DIRAS2: variants seen among roughly 807,000 people sequenced by gnomAD.
DIRAS2 encodes the protein GTP-binding protein Di-Ras2.
A neutral mutation model predicts 13.9 loss-of-function variants in DIRAS2; 5 were observed. That is an observed-to-expected ratio of 0.36 (90% CI 0.19 to 0.76). The LOEUF is 0.76. DIRAS2 is among the 30% of genes least tolerant of loss of function. The pLI, the probability that DIRAS2 is intolerant of heterozygous loss-of-function variation, is 0.53. For synonymous variants in DIRAS2, 111 were observed against 105.4 expected (o/e 1.05, Z -0.33); for missense variants, 191 against 263.0 (o/e 0.73, Z 1.89).
chr9:90,639,245 A>G (rs1825397399), intron 1 of DIRAS2, among the ~76,000 whole-genome samples: 1 of 152,118 alleles, frequency 6.6e-6, no homozygotes. Flanking sequence ...AAATGGACAT[A>G]TTTTCATTAA....
chr9:90,638,549 G>T (rs1033438172), intron 1 of DIRAS2, among the ~76,000 whole-genome samples: 1 of 152,194 alleles, frequency 6.6e-6, no homozygotes. Flanking sequence ...AAGGTAAAGA[G>T]AAGGAAGCAA....
intron 1 of DIRAS2, among the ~76,000 whole-genome samples, chr9:90,616,759 T>C (rs1163077517): frequency 8.9e-6 from 1 of 112,460 alleles, no homozygotes; most frequent in Admixed American, 8.6e-5. Flanking sequence ...AAAAAAAAAA[T>C]TGTAAACTAT....
intron 1 of DIRAS2, among the ~76,000 whole-genome samples, chr9:90,642,358 G>A (rs545316213): frequency 6.6e-6 from 1 of 152,272 alleles, no homozygotes; most frequent in South Asian, 2.1e-4. Context: ...CGAACCAAAC[G>A]GCAGTCCCTA....
intron 1 of DIRAS2, among the ~76,000 whole-genome samples, chr9:90,636,733 A>G (rs771653188): frequency 6.6e-6 from 1 of 152,258 alleles, no homozygotes; most frequent in East Asian, 1.9e-4. Context: ...AAAGAGAGAC[A>G]GATATCAATT....
intron 1 of DIRAS2, among the ~76,000 whole-genome samples, chr9:90,628,877 C>T (rs1052551830): frequency 2.7e-5 from 4 of 148,052 alleles, no homozygotes; most frequent in African/African-American, 9.9e-5. Context: ...TTTTTTGAGA[C>T]GGAGTCTCGT....
At position 90,610,188 on chromosome 9, in the gene DIRAS2, G is replaced by A. The variant is rs1825097066; in HGVS notation, c.*3040C>T. 8.2e-6 allele frequency: 3 copies of A among 365,372 alleles called. No individual in the cohort carries two copies. Among genetic ancestry groups the A allele is most frequent in the Admixed American group, 4.6e-5 (1 of 21,806 alleles). 22.6% of individuals were successfully genotyped at this position (365,372 alleles called of 1,614,324 possible). ...GGGGAAAAAAATTAAGTATCACAGAGCAATTTTTAAAATATTTAATACATT... is the reference window on the plus strand; with the variant it reads ...GGGGAAAAAAATTAAGTATCACAGAACAATTTTTAAAATATTTAATACATT... On this transcript the variant is annotated 3_prime_UTR_variant, in exon 2 of 2. Transcript: ENST00000375765.
At chr9:90,633,285 G>T (rs1039576758) in intron 1 of DIRAS2, among the ~76,000 whole-genome samples, 1 of 152,188 alleles carries the variant, frequency 6.6e-6, no homozygotes, top group African/African-American at 2.4e-5. Flanking sequence ...ACTAGTGATG[G>T]GTCGGTGGGA....
intron 1 of DIRAS2, among the ~76,000 whole-genome samples, chr9:90,617,286 G>C (rs181767273): frequency 6.6e-5 from 10 of 152,318 alleles, no homozygotes; most frequent in Admixed American, 3.3e-4. Flanking sequence ...TGGGACAAAT[G>C]GGGGAGATAT....
At chr9:90,616,760 T>C (rs1446686932) in intron 1 of DIRAS2, among the ~76,000 whole-genome samples, 2 of 135,544 alleles carry the variant, frequency 1.5e-5, no homozygotes, top group African/African-American at 5.4e-5. Flanking sequence ...AAAAAAAAAT[T>C]GTAAACTATT....
intron 1 of DIRAS2, among the ~76,000 whole-genome samples, chr9:90,627,902 T>A (rs76815711): frequency 0.063 from 9,603 of 151,976 alleles, 357 homozygotes; most frequent in Admixed American, 0.077. Flanking sequence ...AGGACAAATA[T>A]CTAATGCATG....
At chr9:90,622,014 G>T (rs569863958) in intron 1 of DIRAS2, among the ~76,000 whole-genome samples, 2 of 152,196 alleles carry the variant, frequency 1.3e-5, no homozygotes, top group African/African-American at 2.4e-5. Context: ...GCATTTAGGA[G>T]GCTGAGGCAG....
At chr9:90,627,342 G>C (rs1825279414) in intron 1 of DIRAS2, among the ~76,000 whole-genome samples, 1 of 152,172 alleles carries the variant, frequency 6.6e-6, no homozygotes, top group Admixed American at 6.6e-5. Flanking sequence ...ATATTATTCA[G>C]CCTTAAATGG....
chr9:90,626,510 C>A (rs752809352), intron 1 of DIRAS2, among the ~76,000 whole-genome samples: 1 of 149,706 alleles, frequency 6.7e-6, no homozygotes, highest in Non-Finnish European at 1.5e-5. Flanking sequence ...AAATGGCCAA[C>A]AAGCACATAA....
At chr9:90,626,972 G>A (rs1452773736) in intron 1 of DIRAS2, among the ~76,000 whole-genome samples, 1 of 152,222 alleles carries the variant, frequency 6.6e-6, no homozygotes, top group Admixed American at 6.5e-5. Flanking sequence ...CAATGCTGGA[G>A]GTGGGGCCCG....
At position 90,610,539 on chromosome 9, in the gene DIRAS2, G is replaced by C. The variant is rs1322558793; in HGVS notation, c.*2689C>G. 5.0e-6 allele frequency: 2 copies of C among 397,620 alleles called. No individual in the cohort carries two copies. The highest frequency in any genetic ancestry group is 4.4e-5 in the Admixed American group (1 of 22,682). 24.6% of individuals were successfully genotyped at this position (397,620 alleles called of 1,614,324 possible). On this transcript the variant is annotated 3_prime_UTR_variant, in exon 2 of 2. Transcript: ENST00000375765. ...AATTAAATATTAACTTATTCTGCCT[G>C]GGTCAAAAACTGCTATGCCCATATG...
chr9:90,631,368 G>A (rs903430650), intron 1 of DIRAS2, among the ~76,000 whole-genome samples: 1 of 152,224 alleles, frequency 6.6e-6, no homozygotes, highest in Non-Finnish European at 1.5e-5. Flanking sequence ...TGTAAGCACA[G>A]GGAAAAGGTC....
At chr9:90,638,488 T>C (rs1479677826) in intron 1 of DIRAS2, among the ~76,000 whole-genome samples, 1 of 152,166 alleles carries the variant, frequency 6.6e-6, no homozygotes, top group African/African-American at 2.4e-5. Flanking sequence ...TACCATTCCT[T>C]CTGTAATAAG....
chr9:90,629,735 A>G (rs1413981850), intron 1 of DIRAS2, among the ~76,000 whole-genome samples: 1 of 152,218 alleles, frequency 6.6e-6, no homozygotes, highest in Admixed American at 6.5e-5. Flanking sequence ...TACCTAATAC[A>G]ACTTAAATGC....
chr9:90,614,469 T>C (rs1490210889), intron 1 of DIRAS2, among the ~76,000 whole-genome samples: 1 of 152,112 alleles, frequency 6.6e-6, no homozygotes, highest in Admixed American at 6.5e-5. Flanking sequence ...CCATTAGCTC[T>C]GTTGTACAAT....
Sources: gnomAD v4.1 joint callset for allele counts (sites outside exome capture counted in the v4.1 genomes callset) on GRCh38, gnomAD v4.1.1 for gene constraint, MANE v1.5 for transcripts, NCBI Gene and HGNC (gene_info 2026-07-23, HGNC 2026-07-21) for gene names.